ATXN7L1: variants seen among roughly 807,000 people sequenced by gnomAD.
ATXN7L1 encodes ataxin 7 like 1.
ATXN7L1 carries 15 observed loss-of-function variants against 70.8 expected under a neutral mutation model. The observed-to-expected ratio is 0.21, with a 90% CI of 0.14 to 0.33. The LOEUF (loss-of-function observed/expected upper bound fraction) is 0.33. Ranked by LOEUF, ATXN7L1 falls within the 10% of genes least tolerant of loss-of-function variation. The probability of loss-of-function intolerance (pLI) is 1.00; values close to 1 mark genes in which losing one functional copy is unlikely to be tolerated. For missense variants in ATXN7L1, 975 were observed against 1,097.1 expected, an observed-to-expected ratio of 0.89 and a Z score of 1.57; for synonymous variants, 440 against 445.1, an observed-to-expected ratio of 0.99 and a Z score of 0.14.
chr7:105,820,686 T>G (rs1810006505), intron 2 of ATXN7L1, among the ~76,000 whole-genome samples: 1 of 152,188 alleles, frequency 6.6e-6, no homozygotes. Context: ...ATGGTTTGGA[T>G]GTGTGTCCCC....
rs377108375 is a variant in ATXN7L1, at chr7:105,829,304, G to A, written c.251-40596C>T. On this transcript the variant is annotated intron_variant, in intron 2 of 11. Transcript: ENST00000419735. ...AACAAAACAAAAAAATTAGCTGGGCGTGGCGGCGTACACCTGTAGTCCCAG... is the reference window on the plus strand; with the variant it reads ...AACAAAACAAAAAAATTAGCTGGGCATGGCGGCGTACACCTGTAGTCCCAG... Among the ~76,000 whole-genome samples, 28 of 152,178 alleles carry A rather than the reference G, an allele frequency of 1.8e-4. No homozygotes were observed. In the East Asian group the frequency reaches 5.0e-3, roughly 27 times the overall value.
At chr7:105,628,082 A>G (rs962123482) in intron 7 of ATXN7L1, among the ~76,000 whole-genome samples, 6 of 151,754 alleles carry the variant, frequency 4.0e-5, no homozygotes, top group African/African-American at 1.5e-4. Context: ...TGACCTCGTG[A>G]TCCACCCGTC....
intron 3 of ATXN7L1, among the ~76,000 whole-genome samples, chr7:105,765,433 C>T (rs1016506893): frequency 6.6e-6 from 1 of 152,082 alleles, no homozygotes; most frequent in Admixed American, 6.6e-5. Context: ...AAAGTAGATG[C>T]TGATCCTACA....
At chr7:105,627,736 T>C (rs1305479136) in intron 7 of ATXN7L1, among the ~76,000 whole-genome samples, 2 of 151,746 alleles carry the variant, frequency 1.3e-5, no homozygotes, top group African/African-American at 4.8e-5. Context: ...TTCACCATGT[T>C]GGCCAGGCTG....
intron 2 of ATXN7L1, among the ~76,000 whole-genome samples, chr7:105,806,317 A>G (rs1807594844): frequency 6.6e-6 from 1 of 152,092 alleles, no homozygotes; most frequent in Non-Finnish European, 1.5e-5. Flanking sequence ...GGAAAGGAAG[A>G]GACACCAGGG....
chr7:105,771,201 GATAATAATAATAATAATAATA>G (rs67884616), intron 3 of ATXN7L1, among the ~76,000 whole-genome samples: 1 of 139,250 alleles, frequency 7.2e-6, no homozygotes, highest in African/African-American at 2.7e-5. Flanking sequence ...CTCCGTCTCT[GATAATAATAATAATAATAATA>G]ATAATAATAA....
rs532047997 is a variant in ATXN7L1, at chr7:105,781,495, C to T, written c.355+7109G>A. Among the ~76,000 whole-genome samples the T allele has an allele frequency of 2.0e-5, 3 of 152,320 alleles. No individual in the cohort carries two copies. The East Asian group carries it at 5.8e-4, about 29-fold the overall frequency. On this transcript the variant is annotated intron_variant, in intron 3 of 11. Coordinates refer to ENST00000419735, the MANE Select transcript of ATXN7L1 (RefSeq NM_020725.2). ...CACACACACAGAGCATCATCCTCTG[C>T]CCTGTCCCTGGATTCTCTCTGGGCT...
Position 105,734,378 on chromosome 7 carries a change from G to A in ATXN7L1, c.355+54226C>T, listed in dbSNP as rs572460496. 2.2e-4 allele frequency among the ~76,000 whole-genome samples: 33 copies of A among 152,296 alleles called. 1 individual carries two copies. The highest frequency in any genetic ancestry group is 2.1e-3 in the Admixed American group (32 of 15,304). ...CCTTTCCTCAGACTGCCTCTCAGTGGGCCTCAGAGCCCGGGGCAGCTGCTG... is the reference window on the plus strand; with the variant it reads ...CCTTTCCTCAGACTGCCTCTCAGTGAGCCTCAGAGCCCGGGGCAGCTGCTG... On this transcript the variant is annotated intron_variant, in intron 3 of 11. Coordinates refer to ENST00000419735, the MANE Select transcript of ATXN7L1 (RefSeq NM_020725.2).
At chr7:105,750,040 A>G (rs531337301) in intron 3 of ATXN7L1, among the ~76,000 whole-genome samples, 1 of 152,022 alleles carries the variant, frequency 6.6e-6, no homozygotes, top group South Asian at 2.1e-4. Flanking sequence ...TGAGGTCTTC[A>G]AAATGGGAGA....
intron 3 of ATXN7L1, among the ~76,000 whole-genome samples, chr7:105,746,665 C>T (rs1301830103): frequency 5.3e-5 from 8 of 152,310 alleles, no homozygotes; most frequent in Non-Finnish European, 1.2e-4. Context: ...TTTCTAGACA[C>T]AGGGAATCTA....
At chr7:105,719,026 A>T (rs1482723540) in intron 3 of ATXN7L1, among the ~76,000 whole-genome samples, 1 of 152,206 alleles carries the variant, frequency 6.6e-6, no homozygotes, top group African/African-American at 2.4e-5. Flanking sequence ...TTCCAGGATG[A>T]GCAAGACTAG....
chr7:105,823,454 G>A (rs1810439132), intron 2 of ATXN7L1, among the ~76,000 whole-genome samples: 1 of 152,144 alleles, frequency 6.6e-6, no homozygotes, highest in Non-Finnish European at 1.5e-5. Context: ...GGTTTATGTT[G>A]CTAGACTTGC....
Position 105,653,748 on chromosome 7 carries a change from C to G in ATXN7L1, c.579-10627G>C, listed in dbSNP as rs185162789. Among the ~76,000 whole-genome samples, 19 of 152,200 alleles carry G rather than the reference C, an allele frequency of 1.2e-4. 1 individual carries two copies. Among genetic ancestry groups the G allele is most frequent in the African/African-American group, 4.6e-4 (19 of 41,522 alleles). On this transcript the variant is annotated intron_variant, in intron 4 of 11. Transcript: ENST00000419735. ...ACCTTCACAGCCTGGCCCACCCCAC[C>G]CCTCCTGCCCCAGCCACCTTCTCCT...
Position 105,607,638 on chromosome 7 carries a change from G to A in ATXN7L1, c.*214C>T. On this transcript the variant is annotated 3_prime_UTR_variant, in exon 12 of 12. Coordinates refer to ENST00000419735, the MANE Select transcript of ATXN7L1 (RefSeq NM_020725.2). The stretch of plus-strand genomic sequence containing the variant: ...GGAAAGACAGCGGAAACCAAACACT[G>A]GAACTGTTTTCTGTAAATCTCAAAT... 1.8e-6 allele frequency: 1 copy of A among 569,324 alleles called. No homozygotes were observed. The highest frequency in any genetic ancestry group is 3.1e-6 in the Non-Finnish European group (1 of 318,042). The allele number at this position is 569,324 out of a possible 1,614,324, so 35.3% of individuals were successfully genotyped here. A position where few individuals can be genotyped will look rare whatever the true frequency, so the allele number is the denominator to read the frequency against.
At chr7:105,641,204 C>T (rs1050540309) in intron 5 of ATXN7L1, among the ~76,000 whole-genome samples, 3 of 90,276 alleles carry the variant, frequency 3.3e-5, no homozygotes, top group Non-Finnish European at 7.0e-5. Flanking sequence ...TTCTCTCTCT[C>T]TCTCTCTCTC....
chr7:105,734,359 C>T (rs936030538), intron 3 of ATXN7L1, among the ~76,000 whole-genome samples: 9 of 152,210 alleles, frequency 5.9e-5, no homozygotes, highest in African/African-American at 2.2e-4. Flanking sequence ...CAGTCCTTTC[C>T]TCAGACTGCC....
intron 2 of ATXN7L1, among the ~76,000 whole-genome samples, chr7:105,793,436 T>G (rs1563098039): frequency 6.6e-6 from 1 of 152,132 alleles, no homozygotes; most frequent in Non-Finnish European, 1.5e-5. Flanking sequence ...TTTTTAAAAG[T>G]TCACTAGTTC....
intron 2 of ATXN7L1, among the ~76,000 whole-genome samples, chr7:105,822,335 G>C (rs1051050621): frequency 6.6e-6 from 1 of 152,200 alleles, no homozygotes; most frequent in Non-Finnish European, 1.5e-5. Context: ...TAGGGAGAAA[G>C]GTGCTCTCCT....
Position 105,624,217 on chromosome 7 carries a change from C to A in ATXN7L1, c.1253G>T (p.Gly418Val). 6.6e-7 allele frequency: 1 copy of A among 1,510,056 alleles called. No individual in the cohort carries two copies. The highest frequency in any genetic ancestry group is 8.9e-7 in the Non-Finnish European group (1 of 1,123,978). The allele number at this position is 1,510,056 out of a possible 1,614,324, so 93.5% of individuals were successfully genotyped here. ...TGGGAGTGGGGGCTCTGGAGTGTGG[C>A]CGCTATGATTTGAAGATGTGCTGCT... ...ISSSTSSNHS[G>V]HTPEPPLPPV... The change falls in exon 8 of 12, where the codon GGC becomes GTC. Residue 418 changes from glycine to valine, a missense_variant. Transcript: ENST00000419735.
Sources: allele counts gnomAD v4.1 joint callset (sites outside exome capture counted in the v4.1 genomes callset), GRCh38; gene constraint gnomAD v4.1.1; transcripts MANE v1.5; gene names NCBI Gene and HGNC (gene_info 2026-07-23, HGNC 2026-07-21).